The following TASP1 variants were observed in gnomAD, a reference collection of about 807,000 sequenced individuals.
TASP1 encodes threonine aspartase 1.
TASP1 carries 16 observed loss-of-function variants against 56.6 expected under a neutral mutation model. The observed-to-expected ratio is 0.28, with a 90% confidence interval of 0.19 to 0.43. The LOEUF (loss-of-function observed/expected upper bound fraction) is 0.43. Ranked by LOEUF, TASP1 falls within the 20% of genes least tolerant of loss-of-function variation. The probability of loss-of-function intolerance (pLI) is 1.00; values close to 1 mark genes in which losing one functional copy is unlikely to be tolerated. For missense variants in TASP1, 393 were observed against 511.6 expected, an observed-to-expected ratio of 0.77 and a Z score of 2.24; for synonymous variants, 179 against 184.2, an observed-to-expected ratio of 0.97 and a Z score of 0.23.
rs2041221809 is a variant in TASP1 at position 13,390,223 on chromosome 20, CT to C, written c.*136del. The C allele has an allele frequency of 1.3e-6, 1 of 748,444 alleles. No homozygotes were observed. The highest frequency in any genetic ancestry group is 2.4e-5 in the Admixed American group (1 of 41,608). 46.4% of individuals were successfully genotyped at this position (748,444 alleles called of 1,614,324 possible). A position where few individuals can be genotyped will look rare whatever the true frequency, so the allele number is the denominator to read the frequency against. On this transcript the variant is annotated 3_prime_UTR_variant, in exon 14 of 14. Coordinates refer to ENST00000337743, the MANE Select transcript of TASP1 (RefSeq NM_017714.3). ...TCACTAAGCGCTAACTACAGCAGCA[CT>C]TGTGTCTCGAGCAGTGCACGAGGTT...
the TASP1 span, among the ~76,000 whole-genome samples, chr20:13,222,551 G>A: frequency 3.3e-5 from 5 of 152,034 alleles, no homozygotes; most frequent in Non-Finnish European, 5.9e-5. Flanking sequence ...TGAAGGCACC[G>A]GTAGTGATTT....
intron 10 of TASP1, among the ~76,000 whole-genome samples, chr20:13,526,824 A>G (rs2044998233): frequency 1.3e-5 from 2 of 152,146 alleles, no homozygotes; most frequent in South Asian, 4.1e-4. Context: ...AGGATAGGAG[A>G]ATAAGAGCAA....
At chr20:13,383,756 A>G in the TASP1 span, among the ~76,000 whole-genome samples, 10 of 152,256 alleles carry the variant, frequency 6.6e-5, no homozygotes. Context: ...TAAATGCAGC[A>G]CACTAGTGAC....
intron 10 of TASP1, among the ~76,000 whole-genome samples, chr20:13,509,259 G>C (rs115687183): frequency 1.6e-4 from 24 of 151,792 alleles, no homozygotes; most frequent in African/African-American, 5.3e-4. Context: ...AACAAAAAAA[G>C]ACAACTACAG....
chr20:13,221,804 C>A, the TASP1 span: 1 of 1,455,722 alleles, frequency 6.9e-7, no homozygotes, highest in Admixed American at 2.5e-5. Flanking sequence ...CGAGCTGCTG[C>A]TGCTGCTGGG....
chr20:13,178,303 G>A, the TASP1 span, among the ~76,000 whole-genome samples: 18 of 152,120 alleles, frequency 1.2e-4, no homozygotes, highest in South Asian at 4.1e-4. Context: ...CAGACTGTTC[G>A]TGGGAATGTA....
chr20:13,627,782 G>A (rs927168194), intron 2 of TASP1, among the ~76,000 whole-genome samples: 48 of 149,052 alleles, frequency 3.2e-4, no homozygotes, highest in African/African-American at 1.2e-3. Context: ...AGCCTTGAAA[G>A]GAATGTGGCT....
chr20:13,270,483 T>C, the TASP1 span: 17 of 1,600,078 alleles, frequency 1.1e-5, no homozygotes, highest in Admixed American at 2.9e-4. Context: ...TAACAGGTGT[T>C]TGCTTGTTTG....
At chr20:13,531,919 C>T (rs114873955) in intron 9 of TASP1, among the ~76,000 whole-genome samples, 2,622 of 152,320 alleles carry the variant, frequency 0.017, 82 homozygotes, top group African/African-American at 0.058. Flanking sequence ...CTGCATTGGC[C>T]TCCCAAAGTG....
intron 2 of TASP1, among the ~76,000 whole-genome samples, chr20:13,625,681 T>A (rs2048863522): frequency 6.6e-6 from 1 of 152,214 alleles, no homozygotes; most frequent in African/African-American, 2.4e-5. Context: ...ATAAGAGTAA[T>A]TCAGAAAGCT....
At chr20:13,351,072 A>G in the TASP1 span, among the ~76,000 whole-genome samples, 3 of 152,208 alleles carry the variant, frequency 2.0e-5, no homozygotes, top group African/African-American at 7.2e-5. Flanking sequence ...AAATAAACAT[A>G]TGAAAAGAAG....
chr20:13,393,558 G>A (rs184295702), intron 13 of TASP1: 173 of 830,382 alleles, frequency 2.1e-4, no homozygotes, highest in Admixed American at 9.1e-4. Context: ...CTTCCATGCT[G>A]GGGCTGGCAA....
chr20:13,226,857 G>A, the TASP1 span, among the ~76,000 whole-genome samples: 4 of 152,212 alleles, frequency 2.6e-5, no homozygotes, highest in African/African-American at 9.6e-5. Flanking sequence ...TTAGATTCTA[G>A]TGGACAAGAA....
At chr20:13,198,294 G>A in the TASP1 span, among the ~76,000 whole-genome samples, 1 of 152,038 alleles carries the variant, frequency 6.6e-6, no homozygotes, top group South Asian at 2.1e-4. Context: ...CTGAGATTGA[G>A]GTGCCAATGT....
chr20:13,409,889 A>G (rs1345767859), intron 13 of TASP1, among the ~76,000 whole-genome samples: 1 of 152,168 alleles, frequency 6.6e-6, no homozygotes, highest in African/African-American at 2.4e-5. Context: ...GTGGTTAACT[A>G]TAGTCAACTT....
chr20:13,620,065 C>T lies in TASP1; in HGVS notation c.282+3381G>A, dbSNP rs183334786. On this transcript the variant is annotated intron_variant, in intron 4 of 13. Coordinates refer to ENST00000337743, the MANE Select transcript of TASP1 (RefSeq NM_017714.3). ...AATTTAATAGATAGGAACTTTTGCA[C>T]CCGCCCCTCCTTTACTTAAATGAAG... is the stretch of plus-strand genomic sequence containing the variant. Among the ~76,000 whole-genome samples the T allele has an allele frequency of 3.0e-4, 45 of 152,144 alleles. No homozygotes were observed. The East Asian group carries it at 8.1e-3, about 27-fold the overall frequency.
the TASP1 span, among the ~76,000 whole-genome samples, chr20:13,249,018 G>A: frequency 6.6e-6 from 1 of 152,174 alleles, no homozygotes; most frequent in African/African-American, 2.4e-5. Context: ...AAACATCGTG[G>A]GCCAAGTTCA....
At chr20:13,163,951 C>T in the TASP1 span, among the ~76,000 whole-genome samples, 5 of 151,894 alleles carry the variant, frequency 3.3e-5, no homozygotes, top group East Asian at 9.6e-4. Context: ...ATGTGCACAA[C>T]GTGCAGGTTT....
chr20:13,519,030 C>A (rs1014133389), intron 10 of TASP1, among the ~76,000 whole-genome samples: 2 of 152,212 alleles, frequency 1.3e-5, no homozygotes, highest in South Asian at 4.1e-4. Flanking sequence ...CTTGCAGCAA[C>A]ATGGATGTAG....
Sources: allele counts gnomAD v4.1 joint callset (sites outside exome capture counted in the v4.1 genomes callset), GRCh38; gene constraint gnomAD v4.1.1; transcripts MANE v1.5; gene names NCBI Gene and HGNC (gene_info 2026-07-23, HGNC 2026-07-21).